The following CA8 variants were observed in gnomAD, a reference collection of about 807,000 sequenced individuals.
CA8 encodes carbonic anhydrase 8 (inactive).
In CA8, 22 loss-of-function variants were observed where a neutral mutation model predicts 41.4. The ratio of observed to expected loss-of-function variants is 0.53; its 90% CI spans 0.38 to 0.76. CA8 has a LOEUF of 0.76. Ranked by LOEUF, CA8 falls within the 30% of genes least tolerant of loss-of-function variation. The probability of loss-of-function intolerance (pLI) is 0.00; values close to 1 mark genes in which losing one functional copy is unlikely to be tolerated. For missense variants in CA8, 270 were observed against 352.8 expected, an observed-to-expected ratio of 0.77 and a Z score of 1.88; for synonymous variants, 121 against 130.6, an observed-to-expected ratio of 0.93 and a Z score of 0.50.
intron 7 of CA8, among the ~76,000 whole-genome samples, chr8:60,219,173 T>TC (rs1399888534): frequency 6.6e-6 from 1 of 151,680 alleles, no homozygotes; most frequent in Admixed American, 6.6e-5. Flanking sequence ...CCTTTTTTTT[T>TC]TTTTAGACGG....
At position 60,187,891 on chromosome 8, in the gene CA8, C is replaced by T. The variant is rs530723411; in HGVS notation, c.*2130G>A. 6.6e-6 allele frequency: 1 copy of T among 152,136 alleles called. No homozygotes were observed. The highest frequency in any genetic ancestry group is 1.5e-5 in the Non-Finnish European group (1 of 68,018). The allele number at this position is 152,136 out of a possible 1,614,324, so 9.4% of individuals were successfully genotyped here. A position where few individuals can be genotyped will look rare whatever the true frequency, so the allele number is the denominator to read the frequency against. On this transcript the variant is annotated 3_prime_UTR_variant, in exon 9 of 9. Coordinates refer to ENST00000317995, the MANE Select transcript of CA8 (RefSeq NM_004056.6). ...CATCACATAGGTTTTACTTTCTTTC[C>T]TATCACACCATCAAAACAGATTTGA...
At chr8:60,255,389 T>C (rs1808599613) in intron 3 of CA8, among the ~76,000 whole-genome samples, 1 of 152,198 alleles carries the variant, frequency 6.6e-6, no homozygotes, top group South Asian at 2.1e-4. Context: ...GTACCTTCTT[T>C]CCTAATTTGT....
intron 3 of CA8, among the ~76,000 whole-genome samples, chr8:60,232,872 G>GAA (rs201401309): frequency 1.1e-3 from 160 of 146,794 alleles, no homozygotes; most frequent in African/African-American, 3.6e-3. Flanking sequence ...TAGCATCCTG[G>GAA]AAAAAAAAAA....
chr8:60,228,777 T>C (rs953150003), intron 4 of CA8, among the ~76,000 whole-genome samples: 2 of 152,254 alleles, frequency 1.3e-5, no homozygotes, highest in African/African-American at 4.8e-5. Flanking sequence ...GCATCAAATA[T>C]AGTTTTTCCA....
At chr8:60,194,909 G>C (rs189491563) in intron 8 of CA8, among the ~76,000 whole-genome samples, 1 of 152,206 alleles carries the variant, frequency 6.6e-6, no homozygotes, top group Admixed American at 6.5e-5. Flanking sequence ...AACAAAATTA[G>C]TTGCCTACCT....
intron 1 of CA8, among the ~76,000 whole-genome samples, chr8:60,280,522 G>A (rs1804376233): frequency 6.6e-6 from 1 of 152,170 alleles, no homozygotes; most frequent in Non-Finnish European, 1.5e-5. Flanking sequence ...TTTTCAGAAA[G>A]TCAACCGCTT....
chr8:60,255,561 T>C (rs1029020107), intron 3 of CA8, among the ~76,000 whole-genome samples: 1 of 152,212 alleles, frequency 6.6e-6, no homozygotes, highest in Non-Finnish European at 1.5e-5. Flanking sequence ...AAGTGATTCA[T>C]TAAGCTGAGT....
In CA8 at chr8:60,188,717, A is replaced by G. The variant is rs569273057; in HGVS notation, c.*1304T>C. 1.3e-5 allele frequency: 2 copies of G among 152,262 alleles called. No individual in the cohort carries two copies. The highest frequency in any genetic ancestry group is 2.1e-4 in the South Asian group (1 of 4,828). The allele number at this position is 152,262 out of a possible 1,614,324, so 9.4% of individuals were successfully genotyped here. ...TTAGCAAGCCTCAACTTTTCCACAC[A>G]TTGCCATAACCCTAGTCCTTTCTCT... On this transcript the variant is annotated 3_prime_UTR_variant, in exon 9 of 9. Coordinates refer to ENST00000317995, the MANE Select transcript of CA8 (RefSeq NM_004056.6).
intron 8 of CA8, among the ~76,000 whole-genome samples, chr8:60,190,295 A>G (rs1003321997): frequency 1.3e-5 from 2 of 151,432 alleles, no homozygotes; most frequent in African/African-American, 4.8e-5. Context: ...GTCAAATAAT[A>G]AAAATAAAGC....
intron 8 of CA8, among the ~76,000 whole-genome samples, chr8:60,203,288 C>T (rs1806486184): frequency 6.6e-6 from 1 of 152,062 alleles, no homozygotes; most frequent in Non-Finnish European, 1.5e-5. Context: ...AAATGAGATG[C>T]TTACAAATAG....
chr8:60,220,696 C>T (rs1478921115), intron 7 of CA8, among the ~76,000 whole-genome samples: 2 of 152,294 alleles, frequency 1.3e-5, no homozygotes, highest in Admixed American at 1.3e-4. Context: ...GCTATGGCGC[C>T]AGGAATTCTA....
At chr8:60,274,875 T>C (rs1380523393) in intron 2 of CA8, among the ~76,000 whole-genome samples, 3 of 152,116 alleles carry the variant, frequency 2.0e-5, no homozygotes, top group Non-Finnish European at 4.4e-5. Context: ...GGTGGAAGCA[T>C]TAGAGATACT....
intron 2 of CA8, among the ~76,000 whole-genome samples, chr8:60,269,970 G>A (rs1357913480): frequency 6.6e-6 from 1 of 152,222 alleles, no homozygotes; most frequent in African/African-American, 2.4e-5. Flanking sequence ...GCTGAGAGGT[G>A]AAAAGTGCAT....
intron 3 of CA8, among the ~76,000 whole-genome samples, chr8:60,243,354 CT>C (rs1408181343): frequency 6.6e-6 from 1 of 151,582 alleles, no homozygotes; most frequent in Non-Finnish European, 1.5e-5. Context: ...TCCACCAGCT[CT>C]TTTCTGAGCC....
chr8:60,249,856 T>G (rs973577723), intron 3 of CA8, among the ~76,000 whole-genome samples: 3 of 152,220 alleles, frequency 2.0e-5, no homozygotes, highest in Admixed American at 1.3e-4. Context: ...GATCTTATTA[T>G]TAGTAGTTTA....
chr8:60,222,858 A>G, intron 6 of CA8, 97 bp from the exon 7 acceptor site: 2 of 762,104 alleles, frequency 2.6e-6, no homozygotes, highest in Non-Finnish European at 4.8e-6. Flanking sequence ...AACTGTCCAA[A>G]TGATGCTTCT....
chr8:60,259,320 C>T (rs1025335174), intron 3 of CA8, among the ~76,000 whole-genome samples: 1 of 152,200 alleles, frequency 6.6e-6, no homozygotes, highest in Non-Finnish European at 1.5e-5. Context: ...CTTACCCATA[C>T]ATTAATTACA....
At chr8:60,241,693 T>C (rs1325059889) in intron 3 of CA8, among the ~76,000 whole-genome samples, 1 of 152,100 alleles carries the variant, frequency 6.6e-6, no homozygotes, top group Non-Finnish European at 1.5e-5. Context: ...CAATTAAAAC[T>C]CATTCTTCAA....
intron 7 of CA8, among the ~76,000 whole-genome samples, chr8:60,221,719 T>TG (rs1437569003): frequency 6.6e-6 from 1 of 152,142 alleles, no homozygotes; most frequent in Non-Finnish European, 1.5e-5. Flanking sequence ...AGAGGCTGAG[T>TG]GGGGAAATTT....
Sources: allele counts gnomAD v4.1 joint callset (sites outside exome capture counted in the v4.1 genomes callset), GRCh38; gene constraint gnomAD v4.1.1; transcripts MANE v1.5; gene names NCBI Gene and HGNC (gene_info 2026-07-23, HGNC 2026-07-21).